Variants in RNF213 observed in about 807,000 individuals in gnomAD.
RNF213 encodes E3 ubiquitin-protein ligase RNF213.
RNF213 carries 341 observed loss-of-function variants against 514.4 expected under a neutral mutation model. The observed-to-expected ratio is 0.66, with a 90% CI of 0.61 to 0.73. The LOEUF (loss-of-function observed/expected upper bound fraction) is 0.73, where lower values mean the gene tolerates loss of function less well. RNF213 is among the 30% of genes least tolerant of loss of function. RNF213 has a pLI of 0.00. For synonymous variants in RNF213, 2,655 were observed against 2,658.2 expected, an observed-to-expected ratio of 1.00 and a Z score of 0.04; for missense variants, 5,767 against 6,615.6, an observed-to-expected ratio of 0.87 and a Z score of 4.45.
In RNF213 at chr17:80,355,543, A is replaced by C. The variant is rs79147399; in HGVS notation, c.10862+967A>C. Among the ~76,000 whole-genome samples the C allele has an allele frequency of 1.9e-3, 91 of 48,966 alleles. 1 individual carries two copies. The highest frequency in any genetic ancestry group is 3.9e-3 in the East Asian group (6 of 1,550). The allele number at this position is 48,966 out of a possible 152,430, so 32.1% of individuals were successfully genotyped here. ...CTTACAGGGGGAAGAAGCGGGGTGG[A>C]CGGGAATGGGGGCTTATGGAGGAAG... On this transcript the variant is annotated intron_variant, in intron 36 of 67. Transcript: ENST00000582970.
Position 80,347,549 on chromosome 17 carries a change from T to C in RNF213, c.9214T>C (p.Ser3072Pro), listed in dbSNP as rs745942407. ...GDQQPEIIFG[S>P]GFPKDQEYTQ... ...CCAGCAGCCGGAGATTATTTTTGGT[T>C]CTGGTTTCCCCAAGGACCAAGAGTA... is the stretch of plus-strand genomic sequence containing the variant. Residue 3072 changes from serine (S) to proline (P), a missense_variant, in exon 29 of 68, where the codon TCT (serine) becomes CCT (proline). Transcript: ENST00000582970. The surrounding 1 kb of genome is among the most constrained non-coding windows in gnomAD (Gnocchi z 7.2). The C allele has an allele frequency of 1.2e-6, 2 of 1,614,014 alleles. No individual in the cohort carries two copies. The highest frequency in any genetic ancestry group is 1.3e-5 in the African/African-American group (1 of 74,932).
intron 50 of RNF213, 42 bp from the exon 51 acceptor site, chr17:80,375,718 G>A (rs1319201517): frequency 7.3e-7 from 1 of 1,362,294 alleles, no homozygotes; most frequent in Admixed American, 1.7e-5. Flanking sequence ...AAAAAGATGT[G>A]TTGAGCTTTT....
Position 80,340,236 on chromosome 17 carries a change from G to C in RNF213, c.5869G>C (p.Glu1957Gln). 6.2e-7 allele frequency: 1 copy of C among 1,614,028 alleles called. No homozygotes were observed. The highest frequency in any genetic ancestry group is 1.1e-5 in the South Asian group (1 of 91,076). The change falls in exon 26 of 68, where the codon GAG becomes CAG. Residue 1957 changes from glutamate to glutamine, a missense_variant. Physicochemically the swap from Glu to Gln is conservative, Grantham distance 29. This residue lies in a region of RNF213 where 1,377 missense variants were observed against 1,635.2 expected (regional missense o/e 0.84). Coordinates refer to ENST00000582970, the MANE Select transcript of RNF213 (RefSeq NM_001256071.3). ...CTTCGTCACCCCCCAGGCACCCCTC[G>C]AGGCCATCCAAGCCTACCTGGCAGG... is the stretch of plus-strand genomic sequence containing the variant. ...KVFVTPQAPL[E>Q]AIQAYLAGHY...
chr17:80,337,283 C>T (rs2078014003), intron 23 of RNF213, among the ~76,000 whole-genome samples: 1 of 152,222 alleles, frequency 6.6e-6, no homozygotes. Context: ...AGGCGGGCGG[C>T]TGCTCATTCC....
rs775742784 is a variant in RNF213, at chr17:80,363,211, G to C, written c.11465G>C (p.Arg3822Thr). 2 of 1,614,090 alleles carry C rather than the reference G, an allele frequency of 1.2e-6. No homozygotes were observed. The highest frequency in any genetic ancestry group is 2.7e-5 in the African/African-American group (2 of 74,944). ...PWVHLAYQRFRSRLQNFSRIL... is the reference protein window; with the variant it reads ...PWVHLAYQRFTSRLQNFSRIL... ...GTGCACCTTGCCTACCAGCGTTTCA[G>C]AAGCCGTCTGCAGAACTTTTCCAGA... is the stretch of plus-strand genomic sequence containing the variant. The change falls in exon 40 of 68, where the codon AGA (arginine) becomes ACA (threonine). Residue 3822 changes from arginine (R) to threonine (T), a missense_variant. Arg to Thr is a moderately conservative substitution (Grantham distance 71). Around this residue, in one of 13 missense-constraint regions of RNF213, gnomAD observed 355 missense variants for 358.0 expected, o/e 0.99. Coordinates refer to ENST00000582970, the MANE Select transcript of RNF213 (RefSeq NM_001256071.3).
chr17:80,303,197 T>C (rs984163550), intron 11 of RNF213, among the ~76,000 whole-genome samples: 2 of 152,156 alleles, frequency 1.3e-5, no homozygotes, highest in African/African-American at 2.4e-5. Flanking sequence ...GTAAGTCCTA[T>C]TGATGAGAGA....
Position 80,353,721 on chromosome 17 carries a change from G to A in RNF213, c.10578+55G>A. 1 of 1,610,562 alleles carries A rather than the reference G, an allele frequency of 6.2e-7. No homozygotes were observed. Among genetic ancestry groups the A allele is most frequent in the Non-Finnish European group, 8.5e-7 (1 of 1,176,902 alleles). Reference sequence around the variant, plus strand: ...GTGCTGCTGGTGATGCTTCTGAGCTGCATCTTTAAACGCTTTTGCATTGGG... The same window carrying A: ...GTGCTGCTGGTGATGCTTCTGAGCTACATCTTTAAACGCTTTTGCATTGGG... On this transcript the variant is annotated intron_variant, in intron 34 of 67. Transcript: ENST00000582970. The surrounding 1 kb of genome is among the most constrained non-coding windows in gnomAD (Gnocchi z 5.0).
At chr17:80,333,150 G>A (rs567005143) in intron 21 of RNF213, among the ~76,000 whole-genome samples, 1 of 151,214 alleles carries the variant, frequency 6.6e-6, no homozygotes, top group South Asian at 2.1e-4. Flanking sequence ...CCAGGTTCAC[G>A]CCATTCTCCT....
intron 3 of RNF213, among the ~76,000 whole-genome samples, chr17:80,287,245 CAGG>C: frequency 6.6e-6 from 1 of 152,274 alleles, no homozygotes; most frequent in East Asian, 1.9e-4. Context: ...CCTGTAATCC[CAGG>C]ACCTTGGGAG....
chr17:80,343,818 C>T lies in RNF213; in HGVS notation c.6184-39C>T, dbSNP rs1184835494. On this transcript the variant is annotated intron_variant, in intron 27 of 67. Coordinates refer to ENST00000582970, the MANE Select transcript of RNF213 (RefSeq NM_001256071.3). This position sits in a 1 kb window ranked among gnomAD's most constrained non-coding sequence, Gnocchi z 4.3. Reference sequence around the variant, plus strand: ...ACTTAGAGTTGGGAGAACTCGCCATCGTGTCGTGTGTTTACACCTCGTGCG... The same window carrying T: ...ACTTAGAGTTGGGAGAACTCGCCATTGTGTCGTGTGTTTACACCTCGTGCG... 6 of 1,610,972 alleles carry T rather than the reference C, an allele frequency of 3.7e-6. No individual in the cohort carries two copies. Among genetic ancestry groups the T allele is most frequent in the Non-Finnish European group, 4.2e-6 (5 of 1,177,398 alleles).
At chr17:80,313,211 C>T (rs201643716) in intron 15 of RNF213, 44 bp downstream of exon 15, 29 of 1,611,792 alleles carry the variant, frequency 1.8e-5, no homozygotes, top group African/African-American at 5.3e-5. Flanking sequence ...TGTGACTGAT[C>T]GTGATTCCTC....
Position 80,347,111 on chromosome 17 carries a change from G to A in RNF213, c.8776G>A (p.Asp2926Asn). Reference sequence around the variant, plus strand: ...CTGCTCCTCAGACATCCTCGTCCAGGACCGAGTCCAAGGGTACTTTGCGTC... The same window carrying A: ...CTGCTCCTCAGACATCCTCGTCCAGAACCGAGTCCAAGGGTACTTTGCGTC... ...GICSSDILVQ[D>N]RVQGYFASFA... The change falls in exon 29 of 68, where the codon GAC becomes AAC. Residue 2926 changes from aspartate to asparagine, a missense_variant. Coordinates refer to ENST00000582970, the MANE Select transcript of RNF213 (RefSeq NM_001256071.3). This position sits in a 1 kb window ranked among gnomAD's most constrained non-coding sequence, Gnocchi z 7.2. 6.2e-7 allele frequency: 1 copy of A among 1,614,072 alleles called. No homozygotes were observed. The highest frequency in any genetic ancestry group is 1.7e-4 in the Middle Eastern group (1 of 6,060).
At chr17:80,278,790 T>G (rs1300350912) in intron 3 of RNF213, 15 of 1,537,086 alleles carry the variant, frequency 9.8e-6, no homozygotes, top group African/African-American at 5.5e-5. Flanking sequence ...TTTTGGTAGA[T>G]GCTGCTGTAG....
intron 14 of RNF213, among the ~76,000 whole-genome samples, chr17:80,310,956 A>G (rs1481671860): frequency 6.6e-6 from 1 of 152,222 alleles, no homozygotes; most frequent in African/African-American, 2.4e-5. Flanking sequence ...CTTGTGTTAA[A>G]GTACCACAGA....
At chr17:80,304,876 C>G (rs954647590) in intron 11 of RNF213, among the ~76,000 whole-genome samples, 1 of 152,124 alleles carries the variant, frequency 6.6e-6, no homozygotes, top group African/African-American at 2.4e-5. Context: ...CCTCCACACT[C>G]CCCCTCCTCC....
At chr17:80,359,045 G>A (rs967510863) in intron 37 of RNF213, among the ~76,000 whole-genome samples, 1 of 152,146 alleles carries the variant, frequency 6.6e-6, no homozygotes, top group African/African-American at 2.4e-5. Context: ...GCTGCGAACA[G>A]CCCCACAATC....
chr17:80,275,909 GC>G (rs1176415440), intron 3 of RNF213, among the ~76,000 whole-genome samples: 7 of 150,802 alleles, frequency 4.6e-5, no homozygotes, highest in African/African-American at 1.7e-4. Context: ...TGATCCACCC[GC>G]CTCGGCCTCC....
chr17:80,285,415 G>A (rs1046564899), intron 3 of RNF213, among the ~76,000 whole-genome samples: 1 of 152,172 alleles, frequency 6.6e-6, no homozygotes, highest in Non-Finnish European at 1.5e-5. Flanking sequence ...CGGCGTCATC[G>A]CCTCTCCGAG....
Position 80,345,203 on chromosome 17 carries a change from G to A in RNF213, c.6868G>A (p.Ala2290Thr). ...TMDGVREEDLAPFSLRKRWES... is the reference protein window; with the variant it reads ...TMDGVREEDLTPFSLRKRWES... ...GGATGGGGTTAGGGAAGAAGATCTAGCGCCCTTCTCCCTCCGGAAGAGGTG... is the reference window on the plus strand; with the variant it reads ...GGATGGGGTTAGGGAAGAAGATCTAACGCCCTTCTCCCTCCGGAAGAGGTG... The change falls in exon 29 of 68, where the codon GCG becomes ACG. Residue 2290 changes from alanine to threonine, a missense_variant. Coordinates refer to ENST00000582970, the MANE Select transcript of RNF213 (RefSeq NM_001256071.3). This position sits in a 1 kb window ranked among gnomAD's most constrained non-coding sequence, Gnocchi z 6.0. 6.2e-7 allele frequency: 1 copy of A among 1,614,098 alleles called. No homozygotes were observed. Among genetic ancestry groups the A allele is most frequent in the Non-Finnish European group, 8.5e-7 (1 of 1,180,000 alleles).
Sources: allele counts gnomAD v4.1 joint callset (sites outside exome capture counted in the v4.1 genomes callset), GRCh38; gene constraint gnomAD v4.1.1; regional missense constraint gnomAD v4.1.1; non-coding constraint Gnocchi (gnomAD v3.1); transcripts MANE v1.5; gene names NCBI Gene and HGNC (gene_info 2026-07-23, HGNC 2026-07-21).